Variants in ACOT1 observed in about 807,000 individuals in gnomAD.
The protein encoded by ACOT1 is acyl-coenzyme A thioesterase 1.
ACOT1 carries 8 observed loss-of-function variants against 15.7 expected under a neutral mutation model. The ratio of observed to expected loss-of-function variants is 0.51; its 90% CI spans 0.30 to 0.92. The LOEUF is 0.92. ACOT1 is among the 40% of genes least tolerant of loss of function. ACOT1 has a pLI of 0.06. For synonymous variants in ACOT1, 67 were observed against 241.2 expected, an observed-to-expected ratio of 0.28 and a Z score of 6.69; for missense variants, 151 against 539.4, an observed-to-expected ratio of 0.28 and a Z score of 7.13.
chr14:73,531,306 A>C, the ACOT1 span: 1 of 113,192 alleles, frequency 8.8e-6, no homozygotes, highest in African/African-American at 2.9e-5. Flanking sequence ...TTGTGGGTTC[A>C]GTCGGGGGTA....
At chr14:73,533,692 A>G (rs1773358387), upstream of ACOT1, among the ~76,000 whole-genome samples, 1 of 110,112 alleles carries the variant, frequency 9.1e-6, no homozygotes. Context: ...CTGGAAATGG[A>G]TAATGGTGAT....
At chr14:73,518,127 C>T in the ACOT1 span, among the ~76,000 whole-genome samples, 1 of 151,740 alleles carries the variant, frequency 6.6e-6, no homozygotes, top group African/African-American at 2.4e-5. Flanking sequence ...TGGCTGTCCA[C>T]AGCTGTCTGG....
the ACOT1 span, among the ~76,000 whole-genome samples, chr14:73,525,709 T>C: frequency 0.042 from 6,386 of 152,104 alleles, 168 homozygotes; most frequent in Middle Eastern, 0.088. Flanking sequence ...TCCCAGAACT[T>C]TGGGAGGCTA....
chr14:73,512,144 C>G, the ACOT1 span: 8 of 1,613,996 alleles, frequency 5.0e-6, no homozygotes, highest in Non-Finnish European at 6.8e-6. Flanking sequence ...TGGTGCCACT[C>G]TATGACTGAG....
the ACOT1 span, among the ~76,000 whole-genome samples, chr14:73,511,603 A>G: frequency 1.7e-4 from 26 of 149,666 alleles, no homozygotes; most frequent in African/African-American, 6.1e-4. Flanking sequence ...GGCTGGGCAC[A>G]GTGGCTCACG....
chr14:73,506,927 A>G, the ACOT1 span, among the ~76,000 whole-genome samples: 1 of 149,720 alleles, frequency 6.7e-6, no homozygotes. Flanking sequence ...CAGCCTCCCA[A>G]GTAGCTGGGA....
At chr14:73,521,299 A>G in the ACOT1 span, among the ~76,000 whole-genome samples, 1 of 152,150 alleles carries the variant, frequency 6.6e-6, no homozygotes, top group Non-Finnish European at 1.5e-5. Flanking sequence ...GCAGCAGGGC[A>G]GAGTGGCGGT....
At chr14:73,542,653 G>A (rs1190129270) in intron 2 of ACOT1, among the ~76,000 whole-genome samples, 1 of 110,308 alleles carries the variant, frequency 9.1e-6, no homozygotes, top group African/African-American at 3.1e-5. Context: ...TGATCCACCC[G>A]CCTCAGCCTC....
upstream of ACOT1, among the ~76,000 whole-genome samples, chr14:73,533,542 C>T (rs1046598538): frequency 2.7e-5 from 3 of 112,886 alleles, no homozygotes; most frequent in African/African-American, 8.7e-5. Flanking sequence ...AGCTGGGTGT[C>T]CTGGTACGCG....
chr14:73,498,200 G>C, the ACOT1 span: 1 of 1,613,940 alleles, frequency 6.2e-7, no homozygotes. Flanking sequence ...GTCTAGGAAG[G>C]TGTCCCTGAC....
the ACOT1 span, among the ~76,000 whole-genome samples, chr14:73,509,846 A>T: frequency 3.8e-4 from 25 of 65,514 alleles, 1 homozygote; most frequent in African/African-American, 6.9e-4. Flanking sequence ...ATATATATAT[A>T]TATATATATA....
At chr14:73,493,545 A>G in the ACOT1 span, among the ~76,000 whole-genome samples, 1 of 152,054 alleles carries the variant, frequency 6.6e-6, no homozygotes, top group South Asian at 2.1e-4. Context: ...CCTCTTAAGG[A>G]AGAGACTCTC....
the ACOT1 span, chr14:73,518,932 G>A: frequency 7.7e-7 from 1 of 1,293,812 alleles, no homozygotes; most frequent in Admixed American, 2.2e-5. Context: ...CCCATGAACT[G>A]GGAGCTCTAG....
the ACOT1 span, among the ~76,000 whole-genome samples, chr14:73,525,592 CCAAA>C: frequency 6.6e-6 from 1 of 152,114 alleles, no homozygotes. Context: ...AGCAAGACGG[CCAAA>C]CAGACCCCTC....
the ACOT1 span, among the ~76,000 whole-genome samples, chr14:73,524,310 A>AAATATATATATATAT: frequency 2.6e-4 from 14 of 54,782 alleles, no homozygotes; most frequent in East Asian, 4.1e-3. Flanking sequence ...AAAAAAAAAA[A>AAATATATATATATAT]ATATATATAT....
the ACOT1 span, among the ~76,000 whole-genome samples, chr14:73,528,391 T>TAAAAAAA: frequency 1.0e-4 from 1 of 9,624 alleles, no homozygotes; most frequent in Non-Finnish European, 1.5e-4. Flanking sequence ...AAACTTCATC[T>TAAAAAAA]CAAAAAAAAA....
chr14:73,492,688 G>T, the ACOT1 span: 1 of 1,613,996 alleles, frequency 6.2e-7, no homozygotes, highest in Non-Finnish European at 8.5e-7. This position sits in a 1 kb window ranked among gnomAD's most constrained non-coding sequence, Gnocchi z 4.9. Flanking sequence ...GGATAGCTCG[G>T]CTGGTGGGTG....
At chr14:73,516,743 C>T in the ACOT1 span, among the ~76,000 whole-genome samples, 1 of 152,186 alleles carries the variant, frequency 6.6e-6, no homozygotes, top group Admixed American at 6.5e-5. Context: ...TGAGCTCTGC[C>T]TCCTGTCAGA....
the ACOT1 span, among the ~76,000 whole-genome samples, chr14:73,510,438 TTTTG>T: frequency 7.1e-6 from 1 of 140,002 alleles, no homozygotes; most frequent in Non-Finnish European, 1.6e-5. Flanking sequence ...TTGTTTTTGT[TTTTG>T]TTTTTTTTTT....
Sources: allele counts gnomAD v4.1 joint callset (sites outside exome capture counted in the v4.1 genomes callset), GRCh38; gene constraint gnomAD v4.1.1; non-coding constraint Gnocchi (gnomAD v3.1); transcripts MANE v1.5; gene names NCBI Gene and HGNC (gene_info 2026-07-23, HGNC 2026-07-21).